GPM6A: variants seen among roughly 807,000 people sequenced by gnomAD.
GPM6A encodes the protein neuronal membrane glycoprotein M6-a.
Under a neutral mutation model 32.1 loss-of-function variants are expected in GPM6A, and 7 were observed. The ratio of observed to expected loss-of-function variants is 0.22; its 90% CI spans 0.12 to 0.41. The LOEUF is 0.41. Among genes scored for constraint, GPM6A ranks in the 10% least tolerant of loss-of-function variants. The probability of loss-of-function intolerance (pLI) is 1.00; values close to 1 mark genes in which losing one functional copy is unlikely to be tolerated. For synonymous variants in GPM6A, 130 were observed against 123.4 expected, an observed-to-expected ratio of 1.05 and a Z score of -0.35; for missense variants, 235 against 347.2, an observed-to-expected ratio of 0.68 and a Z score of 2.57.
Position 175,878,527 on chromosome 4 carries a change from G to T in GPM6A, c.-22-66278C>A, listed in dbSNP as rs1167297310. ...AGGCTTGGGGCTTTCAACTTCTGAA[G>T]CAATGACCTGAGTGGTATCTTGGCC... On this transcript the variant is annotated intron_variant, in intron 1 of 7. Coordinates refer to the GPM6A transcript ENST00000280187. Among the ~76,000 whole-genome samples the T allele has an allele frequency of 2.6e-5, 4 of 152,280 alleles. No homozygotes were observed. In the East Asian group the frequency reaches 5.8e-4, roughly 22 times the overall value.
At chr4:175,906,477 C>T (rs531297800) in intron 1 of GPM6A, among the ~76,000 whole-genome samples, 1 of 152,000 alleles carries the variant, frequency 6.6e-6, no homozygotes, top group African/African-American at 2.4e-5. Context: ...AGAAAACAAG[C>T]CTTCAAACTC....
intron 1 of GPM6A, among the ~76,000 whole-genome samples, chr4:175,871,098 T>C (rs1736891672): frequency 6.6e-6 from 1 of 152,020 alleles, no homozygotes; most frequent in African/African-American, 2.4e-5. Flanking sequence ...CTCCAGTCTT[T>C]CCTTATTTAT....
intron 1 of GPM6A, among the ~76,000 whole-genome samples, chr4:175,777,316 G>C (rs1175705857): frequency 1.3e-5 from 2 of 151,958 alleles, no homozygotes; most frequent in Non-Finnish European, 2.9e-5. Context: ...CAGCCTTTCA[G>C]AACCTTGGCA....
At chr4:175,957,841 A>G (rs1425445144) in intron 1 of GPM6A, among the ~76,000 whole-genome samples, 2 of 152,206 alleles carry the variant, frequency 1.3e-5, no homozygotes, top group Non-Finnish European at 2.9e-5. Flanking sequence ...TAATCCTAAC[A>G]TATCACCGAT....
chr4:176,001,485 T>A (rs1025946770), intron 1 of GPM6A, among the ~76,000 whole-genome samples: 1 of 152,134 alleles, frequency 6.6e-6, no homozygotes, highest in African/African-American at 2.4e-5. Flanking sequence ...TGGGTGTGAA[T>A]CGGCTATTTC....
chr4:175,980,457 A>G (rs982944916), intron 1 of GPM6A, among the ~76,000 whole-genome samples: 1 of 152,192 alleles, frequency 6.6e-6, no homozygotes, highest in African/African-American at 2.4e-5. Context: ...TGAACCCTAG[A>G]AGTATGACTA....
At chr4:175,816,869 T>G (rs969061955), upstream of GPM6A, among the ~76,000 whole-genome samples, 14 of 11,808 alleles carry the variant, frequency 1.2e-3, no homozygotes, top group Non-Finnish European at 2.2e-3. Flanking sequence ...TTTATTTTTA[T>G]TTTTTTTTTG....
At chr4:175,793,614 G>A (rs1734099020) in intron 1 of GPM6A, among the ~76,000 whole-genome samples, 1 of 152,122 alleles carries the variant, frequency 6.6e-6, no homozygotes, top group Admixed American at 6.5e-5. Context: ...GACCTCAGTT[G>A]ATTCGCCTGC....
At chr4:175,840,815 T>C (rs1352934012) in intron 1 of GPM6A, among the ~76,000 whole-genome samples, 1 of 152,152 alleles carries the variant, frequency 6.6e-6, no homozygotes, top group African/African-American at 2.4e-5. Flanking sequence ...AAAGTTTTAA[T>C]GCACTTGAAG....
intron 1 of GPM6A, among the ~76,000 whole-genome samples, chr4:175,708,014 G>A (rs1745302460): frequency 6.6e-6 from 1 of 152,068 alleles, no homozygotes; most frequent in Admixed American, 6.5e-5. Context: ...TGCTAACTTT[G>A]TTCAATACTT....
At chr4:175,677,863 G>A (rs965967735) in intron 2 of GPM6A, among the ~76,000 whole-genome samples, 2 of 152,076 alleles carry the variant, frequency 1.3e-5, no homozygotes, top group African/African-American at 4.8e-5. Context: ...TGAAAAACGT[G>A]GTCACAGATT....
chr4:175,821,193 T>C (rs946981993), intron 1 of GPM6A, among the ~76,000 whole-genome samples: 1 of 152,200 alleles, frequency 6.6e-6, no homozygotes. Context: ...TTAATTTACA[T>C]GAGTATTAAT....
At chr4:175,812,889 A>C, upstream of GPM6A, 1 of 985,152 alleles carries the variant, frequency 1.0e-6, no homozygotes, top group Non-Finnish European at 1.2e-6. Flanking sequence ...GTGCCAAGAA[A>C]GGATGCAGTT....
chr4:175,645,677 C>A (rs952625585), intron 4 of GPM6A, among the ~76,000 whole-genome samples: 2 of 151,992 alleles, frequency 1.3e-5, no homozygotes, highest in African/African-American at 4.8e-5. Context: ...ACCGAGATGG[C>A]GCCACTGCAC....
intron 1 of GPM6A, among the ~76,000 whole-genome samples, chr4:175,941,996 A>G (rs569368032): frequency 7.0e-4 from 106 of 152,358 alleles, no homozygotes; most frequent in Non-Finnish European, 1.0e-3. Context: ...ACTCCCAACA[A>G]CAATGTAAAA....
At chr4:175,830,739 C>T (rs564639174) in intron 1 of GPM6A, among the ~76,000 whole-genome samples, 2 of 151,818 alleles carry the variant, frequency 1.3e-5, no homozygotes, top group African/African-American at 4.8e-5. Flanking sequence ...GTATGCATGC[C>T]GCCATTCTGT....
In GPM6A at chr4:175,914,460, C is replaced by T. The variant is rs543150231; in HGVS notation, c.-23+87849G>A. On this transcript the variant is annotated intron_variant, in intron 1 of 7. Transcript: ENST00000280187. ...GCTTCTGCCTCCTGAGTAGCTGGGA[C>T]TACCGGCACATGCCACCACGACCAG... 3.9e-5 allele frequency among the ~76,000 whole-genome samples: 6 copies of T among 152,188 alleles called. No individual in the cohort carries two copies. In the East Asian group the frequency reaches 1.2e-3, roughly 29 times the overall value.
chr4:175,966,452 A>G (rs1276171626), intron 1 of GPM6A, among the ~76,000 whole-genome samples: 1 of 149,760 alleles, frequency 6.7e-6, no homozygotes, highest in Admixed American at 6.7e-5. Flanking sequence ...AATATTATAT[A>G]TATATATTCA....
intron 1 of GPM6A, among the ~76,000 whole-genome samples, chr4:175,952,676 T>C (rs1739853827): frequency 1.3e-5 from 2 of 152,192 alleles, no homozygotes; most frequent in Admixed American, 1.3e-4. Flanking sequence ...GCCCACAAAA[T>C]CATATAATAA....
Sources: gnomAD v4.1 joint callset for allele counts (sites outside exome capture counted in the v4.1 genomes callset) on GRCh38, gnomAD v4.1.1 for gene constraint, MANE v1.5 for transcripts, NCBI Gene and HGNC (gene_info 2026-07-23, HGNC 2026-07-21) for gene names.